The following RNF111 variants were observed in gnomAD, a reference collection of about 807,000 sequenced individuals.
RNF111 encodes ring finger protein 111.
A neutral mutation model predicts 95.1 loss-of-function variants in RNF111; 17 were observed. The observed-to-expected ratio is 0.18, with a 90% CI of 0.12 to 0.27. The LOEUF (loss-of-function observed/expected upper bound fraction) is 0.27, where lower values mean the gene tolerates loss of function less well. Among genes scored for constraint, RNF111 ranks in the 10% least tolerant of loss-of-function variants. The probability of loss-of-function intolerance (pLI) is 1.00; values close to 1 mark genes in which losing one functional copy is unlikely to be tolerated. For missense variants in RNF111, 1,189 were observed against 1,210.4 expected, an observed-to-expected ratio of 0.98 and a Z score of 0.26; for synonymous variants, 440 against 414.8, an observed-to-expected ratio of 1.06 and a Z score of -0.74.
Position 59,066,953 on chromosome 15 carries a change from A to G in RNF111, c.1556A>G (p.His519Arg). The change falls in exon 6 of 14, where the codon CAC becomes CGC. Residue 519 changes from histidine to arginine, a missense_variant. Transcript: ENST00000348370. ...GHHFQHHHHH[H>R]HTPHPAVPVS... ...CATTTTCAACATCATCACCACCACCACCATACTCCCCACCCAGCTGTCCCA... is the reference window on the plus strand; with the variant it reads ...CATTTTCAACATCATCACCACCACCGCCATACTCCCCACCCAGCTGTCCCA... 2 of 1,613,828 alleles carry G rather than the reference A, an allele frequency of 1.2e-6. No homozygotes were observed. The highest frequency in any genetic ancestry group is 2.2e-5 in the South Asian group (2 of 91,066).
chr15:58,999,123 A>G (rs2039216284), intron 1 of RNF111, among the ~76,000 whole-genome samples: 1 of 152,196 alleles, frequency 6.6e-6, no homozygotes, highest in Non-Finnish European at 1.5e-5. Flanking sequence ...CCCTTTTTCA[A>G]CTACATATTT....
intron 6 of RNF111, among the ~76,000 whole-genome samples, chr15:59,074,364 A>G (rs12442086): frequency 0.27 from 40,674 of 152,170 alleles, 5,560 homozygotes; most frequent in Middle Eastern, 0.43. Context: ...TTTTGTCGAC[A>G]TGGAAAATCT....
chr15:58,998,440 C>T (rs556454454), intron 1 of RNF111, among the ~76,000 whole-genome samples: 12 of 152,200 alleles, frequency 7.9e-5, no homozygotes, highest in African/African-American at 2.6e-4. Flanking sequence ...GTGTTCTTCC[C>T]CTCATTGTGT....
intron 1 of RNF111, among the ~76,000 whole-genome samples, chr15:58,990,400 C>T (rs1221278531): frequency 6.6e-6 from 1 of 152,204 alleles, no homozygotes; most frequent in African/African-American, 2.4e-5. Context: ...TGGCTCACCC[C>T]TGTAATCCCA....
intron 1 of RNF111, among the ~76,000 whole-genome samples, chr15:58,993,825 G>A (rs1207441467): frequency 6.6e-6 from 1 of 152,006 alleles, no homozygotes; most frequent in Non-Finnish European, 1.5e-5. Flanking sequence ...TACACGATTA[G>A]CATCTTAGTT....
chr15:59,038,385 C>G (rs1406423007), intron 2 of RNF111, among the ~76,000 whole-genome samples: 2 of 152,044 alleles, frequency 1.3e-5, no homozygotes, highest in Non-Finnish European at 2.9e-5. Context: ...TAAAAGTTTG[C>G]TTAAAAAGAT....
intron 1 of RNF111, among the ~76,000 whole-genome samples, chr15:59,013,414 C>T (rs1356694825): frequency 6.6e-6 from 1 of 152,150 alleles, no homozygotes; most frequent in Non-Finnish European, 1.5e-5. Context: ...TTTTTTCTAA[C>T]AGTTTTGTGG....
intron 1 of RNF111, among the ~76,000 whole-genome samples, chr15:59,012,425 G>C (rs1299974329): frequency 3.9e-5 from 6 of 152,022 alleles, no homozygotes; most frequent in Admixed American, 6.6e-5. Flanking sequence ...TTTAATAGTA[G>C]GTTTTCTTTA....
intron 8 of RNF111, among the ~76,000 whole-genome samples, chr15:59,082,633 G>A (rs1179488242): frequency 6.6e-6 from 1 of 152,176 alleles, no homozygotes. Flanking sequence ...CTGAAAAAGT[G>A]TCTGTTGTTT....
At chr15:59,085,363 A>G (rs369303991) in intron 9 of RNF111, 4 of 186,666 alleles carry the variant, frequency 2.1e-5, no homozygotes, top group East Asian at 1.4e-4. Context: ...CTCAAGTAGA[A>G]TCAGACTTTT....
At chr15:59,001,308 T>C (rs1409661503) in intron 1 of RNF111, among the ~76,000 whole-genome samples, 1 of 152,182 alleles carries the variant, frequency 6.6e-6, no homozygotes, top group African/African-American at 2.4e-5. Flanking sequence ...TTACATTGCC[T>C]TTGATAACTT....
rs150505471 is a variant in RNF111 at position 59,055,714 on chromosome 15, A to G, written c.1040A>G (p.His347Arg). The G allele has an allele frequency of 2.5e-6, 4 of 1,611,786 alleles. No homozygotes were observed. The highest frequency in any genetic ancestry group is 2.7e-5 in the African/African-American group (2 of 74,874). ...SRSTLGHSRS[H>R]WSQGSSSHAS... is the part of the protein sequence containing the mutation. Reference sequence around the variant, plus strand: ...TCAACCCTTGGACACTCCAGATCTCATTGGAGCCAGGGTTCCAGTTCTCAT... The same window carrying G: ...TCAACCCTTGGACACTCCAGATCTCGTTGGAGCCAGGGTTCCAGTTCTCAT... Residue 347 changes from histidine to arginine, a missense_variant, in exon 4 of 14, where the codon CAT becomes CGT. Transcript: ENST00000348370.
intron 5 of RNF111, among the ~76,000 whole-genome samples, chr15:59,063,005 A>G (rs1438398441): frequency 1.3e-5 from 2 of 152,202 alleles, no homozygotes; most frequent in African/African-American, 4.8e-5. Context: ...TGGGGACAGC[A>G]TTGCTTTATG....
chr15:59,046,261 A>G (rs2041703457), intron 2 of RNF111, among the ~76,000 whole-genome samples: 1 of 151,100 alleles, frequency 6.6e-6, no homozygotes, highest in Non-Finnish European at 1.5e-5. Context: ...TGGCGCCATC[A>G]GGGGTCCCTG....
At chr15:59,087,106 T>C (rs775990258) in intron 10 of RNF111, among the ~76,000 whole-genome samples, 2 of 152,174 alleles carry the variant, frequency 1.3e-5, no homozygotes, top group African/African-American at 2.4e-5. Flanking sequence ...GAATGTCCAA[T>C]AGGAAGTTAA....
intron 1 of RNF111, among the ~76,000 whole-genome samples, chr15:59,013,945 C>T (rs561431185): frequency 9.9e-5 from 15 of 152,054 alleles, no homozygotes; most frequent in Admixed American, 6.6e-4. Context: ...CACGCCACCA[C>T]GCCTGGCTAA....
At chr15:59,041,116 C>A (rs1296699826) in intron 2 of RNF111, among the ~76,000 whole-genome samples, 1 of 152,064 alleles carries the variant, frequency 6.6e-6, no homozygotes, top group Non-Finnish European at 1.5e-5. Flanking sequence ...AAGTATATAT[C>A]TCCGTATATC....
chr15:58,990,519 G>C (rs1255446340), intron 1 of RNF111, among the ~76,000 whole-genome samples: 1 of 152,172 alleles, frequency 6.6e-6, no homozygotes, highest in Non-Finnish European at 1.5e-5. Context: ...GCTTAGTGGT[G>C]TGCGCCTGTA....
intron 1 of RNF111, among the ~76,000 whole-genome samples, chr15:59,015,797 A>G (rs2040037356): frequency 6.6e-6 from 1 of 151,956 alleles, no homozygotes; most frequent in Non-Finnish European, 1.5e-5. Context: ...AGAGTCCTTA[A>G]TTGCCTCGTT....
Sources: allele counts gnomAD v4.1 joint callset (sites outside exome capture counted in the v4.1 genomes callset), GRCh38; gene constraint gnomAD v4.1.1; transcripts MANE v1.5; gene names NCBI Gene and HGNC (gene_info 2026-07-23, HGNC 2026-07-21).